Variants in GRIA1 observed in about 807,000 individuals in gnomAD.
GRIA1 encodes glutamate receptor 1.
A neutral mutation model predicts 99.2 loss-of-function variants in GRIA1; 31 were observed. That is an observed-to-expected ratio of 0.31 (90% CI 0.23 to 0.42). The LOEUF is 0.42. Ranked by LOEUF, GRIA1 falls within the 10% of genes least tolerant of loss-of-function variation. The pLI, the probability that GRIA1 is intolerant of heterozygous loss-of-function variation, is 1.00. For missense variants in GRIA1, 782 were observed against 1,157.5 expected, an observed-to-expected ratio of 0.68 and a Z score of 4.71; for synonymous variants, 438 against 432.4, an observed-to-expected ratio of 1.01 and a Z score of -0.16.
intron 11 of GRIA1, among the ~76,000 whole-genome samples, chr5:153,745,945 T>C (rs965166262): frequency 1.3e-5 from 2 of 152,224 alleles, no homozygotes; most frequent in African/African-American, 4.8e-5. Context: ...CTTGTCCAGA[T>C]AAGCACATTG....
At chr5:153,690,609 T>C (rs1561771276) in intron 8 of GRIA1, among the ~76,000 whole-genome samples, 5 of 152,346 alleles carry the variant, frequency 3.3e-5, no homozygotes, top group East Asian at 1.9e-4. Context: ...CTCCCTTCTA[T>C]AGGCCACAGG....
intron 3 of GRIA1, among the ~76,000 whole-genome samples, chr5:153,647,613 T>C (rs912539976): frequency 2.6e-5 from 4 of 152,214 alleles, no homozygotes; most frequent in African/African-American, 9.6e-5. Context: ...GTCTATCTTA[T>C]AAAGGTTTTG....
intron 2 of GRIA1, among the ~76,000 whole-genome samples, chr5:153,543,092 C>A (rs528709079): frequency 6.6e-6 from 1 of 152,110 alleles, no homozygotes; most frequent in Non-Finnish European, 1.5e-5. Flanking sequence ...CCTTTATAGC[C>A]ACAGTGGCTA....
chr5:153,644,523 TC>T (rs1237079939), intron 2 of GRIA1, among the ~76,000 whole-genome samples: 1 of 152,164 alleles, frequency 6.6e-6, no homozygotes, highest in Non-Finnish European at 1.5e-5. Context: ...ATCTACCATG[TC>T]CCAGACACTC....
chr5:153,608,738 A>T (rs1765676594), intron 2 of GRIA1, among the ~76,000 whole-genome samples: 1 of 150,884 alleles, frequency 6.6e-6, no homozygotes, highest in Non-Finnish European at 1.5e-5. Flanking sequence ...GTCTATTCCT[A>T]TTTTCTCTGC....
chr5:153,532,877 A>C (rs1581187024), intron 2 of GRIA1, among the ~76,000 whole-genome samples: 1 of 152,248 alleles, frequency 6.6e-6, no homozygotes, highest in East Asian at 1.9e-4. Flanking sequence ...TAAATAAAAC[A>C]GTCACCTCTG....
chr5:153,582,633 A>G (rs145012058), intron 2 of GRIA1, among the ~76,000 whole-genome samples: 171 of 152,172 alleles, frequency 1.1e-3, no homozygotes, highest in African/African-American at 3.7e-3. Flanking sequence ...TAAATTCACT[A>G]TTTCCATGAT....
rs1275694376 is a variant in GRIA1, at chr5:153,631,921, C to T, written c.221-15007C>T. 5.3e-5 allele frequency among the ~76,000 whole-genome samples: 8 copies of T among 151,914 alleles called. No homozygotes were observed. In the East Asian group the frequency reaches 9.7e-4, roughly 18 times the overall value. On this transcript the variant is annotated intron_variant, in intron 2 of 15. Coordinates refer to ENST00000285900, the MANE Select transcript of GRIA1 (RefSeq NM_000827.4). ...GAGTTTTGGGCAGTGAGAACCGCAT[C>T]GGGGGAGGTGTGGTATGTTGCAGAA...
intron 13 of GRIA1, among the ~76,000 whole-genome samples, chr5:153,781,226 A>G (rs932282877): frequency 5.9e-5 from 9 of 152,182 alleles, no homozygotes; most frequent in Non-Finnish European, 1.3e-4. Context: ...CAAACAAAGA[A>G]AATCAGGCAG....
At chr5:153,573,516 T>C (rs1187248559) in intron 2 of GRIA1, among the ~76,000 whole-genome samples, 1 of 152,154 alleles carries the variant, frequency 6.6e-6, no homozygotes, top group Non-Finnish European at 1.5e-5. Context: ...CATTTTGATA[T>C]GTGGAAAGAT....
chr5:153,637,515 C>T (rs972470232), intron 2 of GRIA1, among the ~76,000 whole-genome samples: 3 of 152,190 alleles, frequency 2.0e-5, no homozygotes, highest in Non-Finnish European at 4.4e-5. Context: ...CATAATAACA[C>T]GTGGGTACAC....
At chr5:153,794,994 G>A (rs193062497) in intron 14 of GRIA1, among the ~76,000 whole-genome samples, 4 of 152,310 alleles carry the variant, frequency 2.6e-5, no homozygotes, top group Admixed American at 2.6e-4. Context: ...CAAGATATGA[G>A]GACATTGTGC....
intron 2 of GRIA1, among the ~76,000 whole-genome samples, chr5:153,637,653 T>G (rs1211429983): frequency 6.6e-6 from 1 of 152,108 alleles, no homozygotes; most frequent in Non-Finnish European, 1.5e-5. Flanking sequence ...CTGAGGAGAC[T>G]GGGTGTTGTA....
chr5:153,778,725 C>CCAATATACAAATAAGAAAACAGGTTATA (rs1764441572), intron 13 of GRIA1, among the ~76,000 whole-genome samples: 3 of 151,410 alleles, frequency 2.0e-5, no homozygotes, highest in Non-Finnish European at 2.9e-5. Context: ...TCCTGCCCAA[C>CCAATATACAAATAAGAAAACAGGTTATA]CAATATACAA....
chr5:153,622,552 G>T (rs189459555), intron 2 of GRIA1, among the ~76,000 whole-genome samples: 1 of 151,902 alleles, frequency 6.6e-6, no homozygotes, highest in Non-Finnish European at 1.5e-5. Flanking sequence ...GCCATGCCTG[G>T]CAGCTTGAAA....
chr5:153,607,426 A>AT (rs1195086858), intron 2 of GRIA1, among the ~76,000 whole-genome samples: 2 of 151,378 alleles, frequency 1.3e-5, no homozygotes, highest in Admixed American at 6.6e-5. Context: ...TGGTTCATTG[A>AT]TTTTTTTCAT....
intron 5 of GRIA1, among the ~76,000 whole-genome samples, chr5:153,658,016 A>T (rs1350936658): frequency 6.6e-6 from 1 of 152,066 alleles, no homozygotes; most frequent in African/African-American, 2.4e-5. Flanking sequence ...AGTCAACTCC[A>T]CTTAAACCTC....
intron 10 of GRIA1, among the ~76,000 whole-genome samples, chr5:153,701,889 CAAT>C (rs1431387076): frequency 6.6e-6 from 1 of 152,138 alleles, no homozygotes; most frequent in Non-Finnish European, 1.5e-5. Context: ...CTTTTTCCGT[CAAT>C]AATGATAGTA....
chr5:153,656,383 TTATATATA>T (rs60245651), intron 5 of GRIA1, among the ~76,000 whole-genome samples: 27 of 92,680 alleles, frequency 2.9e-4, no homozygotes, highest in East Asian at 2.6e-4. Flanking sequence ...ATAAGTTTGT[TTATATATA>T]TATATATATA....
Sources: gnomAD v4.1 joint callset for allele counts (sites outside exome capture counted in the v4.1 genomes callset) on GRCh38, gnomAD v4.1.1 for gene constraint, MANE v1.5 for transcripts, NCBI Gene and HGNC (gene_info 2026-07-23, HGNC 2026-07-21) for gene names.